CCDC88C: variants seen among roughly 807,000 people sequenced by gnomAD.
CCDC88C encodes coiled-coil and HOOK domain protein 88C.
CCDC88C carries 131 observed loss-of-function variants against 198.8 expected under a neutral mutation model. The observed-to-expected ratio is 0.66, with a 90% CI of 0.57 to 0.76. The LOEUF is 0.76. CCDC88C is among the 30% of genes least tolerant of loss of function. CCDC88C has a pLI of 0.00. For missense variants in CCDC88C, 2,553 were observed against 2,631.6 expected, an observed-to-expected ratio of 0.97 and a Z score of 0.65; for synonymous variants, 1,166 against 1,114.7, an observed-to-expected ratio of 1.05 and a Z score of -0.92.
Position 91,313,535 on chromosome 14 carries a change from A to G in CCDC88C, c.2281T>C (p.Tyr761His), listed in dbSNP as rs1891940012. Residue 761 changes from tyrosine to histidine, a missense_variant, in exon 15 of 30, where the codon TAC (tyrosine) becomes CAC (histidine). By Grantham distance (83) the Tyr-to-His change is moderately conservative. This residue lies in a region of CCDC88C where 1,260 missense variants were observed against 1,412.0 expected (regional missense o/e 0.89). Transcript: ENST00000389857. The surrounding 1 kb of genome is among the most constrained non-coding windows in gnomAD (Gnocchi z 5.2). ...AGGTTCTCAGCGCTCACGCTCTGGT[A>G]GCTGAGCTCCAGGCGCTCTGACTTC... ...GKKSERLELS[Y>H]QSVSAENLRL... is the part of the protein sequence containing the mutation. 2.5e-6 allele frequency: 4 copies of G among 1,609,974 alleles called. No individual in the cohort carries two copies. The highest frequency in any genetic ancestry group is 2.5e-6 in the Non-Finnish European group (3 of 1,179,864).
intron 24 of CCDC88C, among the ~76,000 whole-genome samples, chr14:91,290,719 T>G (rs1890625968): frequency 6.6e-6 from 1 of 152,148 alleles, no homozygotes; most frequent in South Asian, 2.1e-4. Flanking sequence ...CCTGCTTGAG[T>G]GACTCCAGGA....
chr14:91,408,495 T>C, intron 3 of CCDC88C, 164 bp downstream of exon 3: 2 of 627,200 alleles, frequency 3.2e-6, no homozygotes, highest in Non-Finnish European at 5.8e-6. Flanking sequence ...CATCTCATCC[T>C]CACACATGCC....
intron 14 of CCDC88C, among the ~76,000 whole-genome samples, chr14:91,315,352 T>C (rs532757474): frequency 1.3e-5 from 2 of 152,186 alleles, no homozygotes; most frequent in South Asian, 2.1e-4. Flanking sequence ...GCAGAATATG[T>C]AGCAGCATCC....
At chr14:91,337,722 G>A (rs1006852524) in intron 10 of CCDC88C, among the ~76,000 whole-genome samples, 2 of 152,196 alleles carry the variant, frequency 1.3e-5, no homozygotes, top group African/African-American at 2.4e-5. Context: ...AGACGCACAC[G>A]GATAGAAGGT....
chr14:91,293,148 T>C, intron 23 of CCDC88C, among the ~76,000 whole-genome samples: 3 of 122,880 alleles, frequency 2.4e-5, no homozygotes, highest in Non-Finnish European at 3.3e-5. Context: ...CTTCCCATCC[T>C]CACCTGCCAT....
At chr14:91,278,889 CTT>C (rs10671669) in intron 28 of CCDC88C, among the ~76,000 whole-genome samples, 28 of 54,498 alleles carry the variant, frequency 5.1e-4, no homozygotes, top group Admixed American at 6.5e-4. Context: ...ACCAAATACA[CTT>C]TTTTTTTTTT....
In CCDC88C at chr14:91,297,354, T is replaced by C. The variant is rs767100913; in HGVS notation, c.3917A>G (p.Gln1306Arg). The C allele has an allele frequency of 1.2e-6, 2 of 1,613,800 alleles. No homozygotes were observed. The highest frequency in any genetic ancestry group is 4.5e-5 in the East Asian group (2 of 44,882). Residue 1306 changes from glutamine (Q) to arginine (R), a missense_variant, in exon 22 of 30, where the codon CAG (glutamine) becomes CGG (arginine). This residue lies in a region of CCDC88C where 1,293 missense variants were observed against 1,219.6 expected (regional missense o/e 1.06). Transcript: ENST00000389857. ...WQARFDELKE[Q>R]HQTMDISLTK... ...CAGCGAGATGTCCATGGTCTGGTGC[T>C]GCTCCTTCAGCTCGTCGAAGCGGGC...
intron 3 of CCDC88C, among the ~76,000 whole-genome samples, chr14:91,376,486 A>C (rs1432238785): frequency 1.3e-5 from 2 of 152,198 alleles, no homozygotes; most frequent in Non-Finnish European, 2.9e-5. Context: ...CAAGGTAGTG[A>C]GGGACTTTTA....
chr14:91,275,026 G>C (rs959393848), intron 29 of CCDC88C, among the ~76,000 whole-genome samples: 3 of 152,176 alleles, frequency 2.0e-5, no homozygotes, highest in African/African-American at 7.2e-5. Flanking sequence ...CGCCCAGAGA[G>C]TGGGGGCGCG....
intron 3 of CCDC88C, among the ~76,000 whole-genome samples, chr14:91,360,178 G>A (rs941711204): frequency 6.6e-6 from 1 of 151,878 alleles, no homozygotes; most frequent in African/African-American, 2.4e-5. Context: ...AACGCTTTGG[G>A]TGGCTGAGGC....
At chr14:91,321,372 C>G in intron 12 of CCDC88C, 68 bp from the exon 13 acceptor site, 1 of 1,492,522 alleles carries the variant, frequency 6.7e-7, no homozygotes, top group Non-Finnish European at 9.1e-7. Flanking sequence ...GCCCCAAGCT[C>G]CGAGATGGTC....
At chr14:91,294,359 C>G (rs773417457) in intron 22 of CCDC88C, 41 bp from the exon 23 acceptor site, 4 of 1,606,648 alleles carry the variant, frequency 2.5e-6, no homozygotes, top group Non-Finnish European at 3.4e-6. Flanking sequence ...CCATGTGACC[C>G]GGTGTTCCCA....
At chr14:91,312,403 T>C (rs1399682433) in intron 15 of CCDC88C, among the ~76,000 whole-genome samples, 2 of 148,146 alleles carry the variant, frequency 1.4e-5, no homozygotes, top group Admixed American at 6.7e-5. Context: ...TAAGTAAGGG[T>C]CGGGCGCGGT....
chr14:91,295,246 C>T (rs557807520), intron 22 of CCDC88C, among the ~76,000 whole-genome samples: 79 of 152,278 alleles, frequency 5.2e-4, no homozygotes, highest in Non-Finnish European at 1.0e-3. Flanking sequence ...TTTATGCATA[C>T]AGTGAGAAGA....
At chr14:91,389,401 C>A (rs1885349744) in intron 3 of CCDC88C, among the ~76,000 whole-genome samples, 1 of 152,128 alleles carries the variant, frequency 6.6e-6, no homozygotes, top group Non-Finnish European at 1.5e-5. Flanking sequence ...GTCACTGACC[C>A]CAAAGGTTTC....
intron 4 of CCDC88C, among the ~76,000 whole-genome samples, chr14:91,355,280 G>T (rs1191242504): frequency 6.6e-6 from 1 of 152,206 alleles, no homozygotes; most frequent in Non-Finnish European, 1.5e-5. Context: ...GGGTAAGAGG[G>T]AAGGATAAGG....
At chr14:91,295,466 G>A (rs1408008445) in intron 22 of CCDC88C, among the ~76,000 whole-genome samples, 1 of 152,366 alleles carries the variant, frequency 6.6e-6, no homozygotes, top group African/African-American at 2.4e-5. Context: ...GCCGTCCCTG[G>A]AAACTCAGCT....
Position 91,272,961 on chromosome 14 carries a change from A to G in CCDC88C, c.5751T>C (p.Ala1917=), listed in dbSNP as rs1160668673. 3 of 1,558,212 alleles carry G rather than the reference A, an allele frequency of 1.9e-6. No individual in the cohort carries two copies. Among genetic ancestry groups the G allele is most frequent in the Non-Finnish European group, 2.6e-6 (3 of 1,157,262 alleles). Residue 1917 remains alanine (A), a synonymous_variant, in exon 30 of 30, where the codon GCT becomes GCC. Transcript: ENST00000389857. ...AIATAGAGAA[A]AGSGSNSQLL... is the part of the protein sequence containing the mutation. The stretch of plus-strand genomic sequence containing the variant: ...GCTGGGAGTTGCTGCCACTGCCAGC[A>G]GCAGCAGCACCAGCACCTGCAGTGG...
chr14:91,397,446 A>T (rs1031651731), intron 3 of CCDC88C, among the ~76,000 whole-genome samples: 6 of 152,176 alleles, frequency 3.9e-5, no homozygotes, highest in African/African-American at 1.4e-4. Context: ...GTGTACACAC[A>T]CACACTCACA....
Sources: allele counts gnomAD v4.1 joint callset (sites outside exome capture counted in the v4.1 genomes callset), GRCh38; gene constraint gnomAD v4.1.1; regional missense constraint gnomAD v4.1.1; non-coding constraint Gnocchi (gnomAD v3.1); transcripts MANE v1.5; gene names NCBI Gene and HGNC (gene_info 2026-07-23, HGNC 2026-07-21).